GALNT3: variants seen among roughly 807,000 people sequenced by gnomAD.
GALNT3 encodes GalNAc transferase 3.
Under a neutral mutation model 69.8 loss-of-function variants are expected in GALNT3, and 51 were observed. That is an observed-to-expected ratio of 0.73 (90% CI 0.58 to 0.92). GALNT3 has a LOEUF of 0.92. Ranked by LOEUF, GALNT3 falls within the 40% of genes least tolerant of loss-of-function variation. GALNT3 has a pLI of 0.00. For synonymous variants in GALNT3, 265 were observed against 248.5 expected (o/e 1.07, Z -0.63); for missense variants, 711 against 760.0 (o/e 0.94, Z 0.76).
At chr2:165,791,738 G>A (rs1185189636) in intron 1 of GALNT3, among the ~76,000 whole-genome samples, 1 of 152,054 alleles carries the variant, frequency 6.6e-6, no homozygotes, top group Non-Finnish European at 1.5e-5. Context: ...TATCCACATT[G>A]ACTTAAAAAA....
At chr2:165,776,543 AAAAAGAAAAAAAAG>A (rs2105425608) in intron 1 of GALNT3, among the ~76,000 whole-genome samples, 1 of 151,530 alleles carries the variant, frequency 6.6e-6, no homozygotes, top group Non-Finnish European at 1.5e-5. Flanking sequence ...AAAACTAAAA[AAAAAGAAAAAAAAG>A]AAAAGAAAAA....
At chr2:165,765,680 G>A (rs1574004426) in intron 2 of GALNT3, among the ~76,000 whole-genome samples, 2 of 152,048 alleles carry the variant, frequency 1.3e-5, no homozygotes, top group South Asian at 2.1e-4. Flanking sequence ...AGTAGAGACG[G>A]GGTTTTACCA....
Position 165,749,910 on chromosome 2 carries a change from C to T in GALNT3, c.1627-16G>A. 6.2e-7 allele frequency: 1 copy of T among 1,612,796 alleles called. No homozygotes were observed. On this transcript the variant is annotated splice_polypyrimidine_tract_variant and intron_variant, in intron 9 of 10. Transcript: ENST00000392701. ...ATTCAAAGTACTATGGAAGGAATAG[C>T]ACTGTTACTGACAAAAGCAACCCAT...
intron 1 of GALNT3, among the ~76,000 whole-genome samples, chr2:165,772,364 CA>C (rs1159375030): frequency 1.3e-5 from 2 of 151,940 alleles, no homozygotes; most frequent in Non-Finnish European, 2.9e-5. Context: ...GCCAGAGGAT[CA>C]CTTGAGACCA....
chr2:165,779,273 A>G (rs1025983289), intron 1 of GALNT3, among the ~76,000 whole-genome samples: 1 of 152,162 alleles, frequency 6.6e-6, no homozygotes, highest in African/African-American at 2.4e-5. Flanking sequence ...CGAGCCAGCA[A>G]AAAAGAAATT....
intron 9 of GALNT3, among the ~76,000 whole-genome samples, chr2:165,751,727 A>T (rs1328379427): frequency 2.6e-5 from 4 of 152,172 alleles, no homozygotes; most frequent in African/African-American, 9.7e-5. Context: ...AATATTGGCC[A>T]GCTTAGTCAC....
chr2:165,759,678 G>T, intron 4 of GALNT3, 108 bp from the exon 5 acceptor site: 1 of 799,326 alleles, frequency 1.3e-6, no homozygotes, highest in Non-Finnish European at 2.1e-6. Flanking sequence ...GTCAATTTGT[G>T]TTTTGAACAT....
intron 2 of GALNT3, among the ~76,000 whole-genome samples, chr2:165,767,286 C>T (rs1688660531): frequency 6.6e-6 from 1 of 150,634 alleles, no homozygotes; most frequent in Non-Finnish European, 1.5e-5. Context: ...AAAGAGGAAA[C>T]CTATGATTTG....
chr2:165,748,970 GA>G, intron 10 of GALNT3, 67 bp from the exon 11 acceptor site: 1 of 1,487,484 alleles, frequency 6.7e-7, no homozygotes, highest in Non-Finnish European at 9.3e-7. Context: ...ATATGAAAAA[GA>G]TTTTATGGTT....
At chr2:165,755,784 T>G (rs1410688905) in intron 7 of GALNT3, among the ~76,000 whole-genome samples, 1 of 152,204 alleles carries the variant, frequency 6.6e-6, no homozygotes, top group East Asian at 1.9e-4. Flanking sequence ...CTCAATCTTA[T>G]CAGTTCAACT....
At chr2:165,783,933 G>T (rs1683166150) in intron 1 of GALNT3, among the ~76,000 whole-genome samples, 1 of 151,928 alleles carries the variant, frequency 6.6e-6, no homozygotes. Flanking sequence ...CTATATATGT[G>T]CCTAATTTGA....
chr2:165,767,771 A>G (rs1288069164), intron 2 of GALNT3, among the ~76,000 whole-genome samples: 1 of 152,202 alleles, frequency 6.6e-6, no homozygotes, highest in Non-Finnish European at 1.5e-5. Context: ...TTTGGGAGAA[A>G]CTAGGTCTAT....
intron 4 of GALNT3, among the ~76,000 whole-genome samples, chr2:165,760,376 C>G (rs569057346): frequency 5.0e-4 from 76 of 152,244 alleles, no homozygotes; most frequent in African/African-American, 1.8e-3. Context: ...TAGGTCTAAG[C>G]CCTGGTCACA....
In GALNT3 at chr2:165,785,396, C is replaced by A. The variant is rs1340770667; in HGVS notation, c.-109+8619G>T. Among the ~76,000 whole-genome samples, 3 of 152,004 alleles carry A rather than the reference C, an allele frequency of 2.0e-5. No individual in the cohort carries two copies. The East Asian group carries it at 5.8e-4, about 29-fold the overall frequency. On this transcript the variant is annotated intron_variant, in intron 1 of 10. Transcript: ENST00000392701. Reference sequence around the variant, plus strand: ...TTGTTTTTATATTTTTAAAAAATAGCATCGGTTACCTCTGGGGAAGAAAAC... The same window carrying A: ...TTGTTTTTATATTTTTAAAAAATAGAATCGGTTACCTCTGGGGAAGAAAAC...
rs759912211 is a variant in GALNT3, at chr2:165,755,019, G to A, written c.1437C>T (p.Arg479=). ...DLSKRFEIKH[R]LQCKNFTWYL... is the part of the protein sequence containing the mutation. ...ACCATGTAAAATTTTTACACTGAAG[G>A]CGGTGTTTTATTTCAAATCTTTTTG... Residue 479 remains arginine, a synonymous_variant, in exon 8 of 11, where the codon CGC becomes CGT. Transcript: ENST00000392701. 39 of 1,611,818 alleles carry A rather than the reference G, an allele frequency of 2.4e-5. No individual in the cohort carries two copies. The highest frequency in any genetic ancestry group is 3.2e-5 in the Non-Finnish European group (38 of 1,178,222).
intron 3 of GALNT3, among the ~76,000 whole-genome samples, chr2:165,763,015 G>C (rs190641825): frequency 1.3e-5 from 2 of 150,918 alleles, no homozygotes; most frequent in South Asian, 2.1e-4. Context: ...TGCCCAGGCT[G>C]GTCTGGAACT....
chr2:165,791,562 G>A (rs1683351864), intron 1 of GALNT3, among the ~76,000 whole-genome samples: 1 of 151,978 alleles, frequency 6.6e-6, no homozygotes, highest in Admixed American at 6.6e-5. Flanking sequence ...TAGTTATTGA[G>A]GATTGCAGTA....
chr2:165,779,037 A>C (rs1294615705), intron 1 of GALNT3, among the ~76,000 whole-genome samples: 1 of 152,200 alleles, frequency 6.6e-6, no homozygotes, highest in Non-Finnish European at 1.5e-5. Context: ...ACTGCTGCCT[A>C]AATCAAGCTC....
At chr2:165,790,461 A>G (rs1398068203) in intron 1 of GALNT3, among the ~76,000 whole-genome samples, 2 of 152,232 alleles carry the variant, frequency 1.3e-5, no homozygotes, top group African/African-American at 2.4e-5. Context: ...AACTAAATGC[A>G]TAATTGAACA....
Sources: allele counts gnomAD v4.1 joint callset (sites outside exome capture counted in the v4.1 genomes callset), GRCh38; gene constraint gnomAD v4.1.1; transcripts MANE v1.5; gene names NCBI Gene and HGNC (gene_info 2026-07-23, HGNC 2026-07-21).